ANAPC4: variants seen among roughly 807,000 people sequenced by gnomAD.
The protein encoded by ANAPC4 is anaphase-promoting complex subunit 4.
ANAPC4 carries 63 observed loss-of-function variants against 119.8 expected under a neutral mutation model. The observed-to-expected ratio is 0.53, with a 90% confidence interval of 0.43 to 0.65. The LOEUF is 0.65. Ranked by LOEUF, ANAPC4 falls within the 30% of genes least tolerant of loss-of-function variation. The pLI is 0.00. For missense variants in ANAPC4, 716 were observed against 945.1 expected (o/e 0.76, Z 3.18); for synonymous variants, 283 against 318.6 (o/e 0.89, Z 1.19).
intron 3 of ANAPC4, 100 bp from the exon 4 acceptor site, chr4:25,383,161 A>T: frequency 8.8e-7 from 1 of 1,136,440 alleles, no homozygotes; most frequent in South Asian, 2.6e-5. Flanking sequence ...GCCATGATGA[A>T]GATGCACTTA....
chr4:25,384,812 A>AAG (rs1289012293), intron 4 of ANAPC4, among the ~76,000 whole-genome samples: 1 of 151,720 alleles, frequency 6.6e-6, no homozygotes, highest in Non-Finnish European at 1.5e-5. Context: ...AAAAAAAAAA[A>AAG]GACTTGACAG....
At chr4:25,394,395 G>C (rs1351754827) in intron 12 of ANAPC4, 21 bp downstream of exon 12, 1 of 1,554,678 alleles carries the variant, frequency 6.4e-7, no homozygotes. Flanking sequence ...CAGATTAGGT[G>C]CTCCTGTTTT....
chr4:25,409,729 C>T lies in ANAPC4; in HGVS notation c.1463C>T (p.Ser488Leu), dbSNP rs750681301. 4.6e-5 allele frequency: 74 copies of T among 1,612,474 alleles called. No individual in the cohort carries two copies. The highest frequency in any genetic ancestry group is 5.8e-5 in the Non-Finnish European group (68 of 1,179,014). Residue 488 changes from serine (S) to leucine (L), a missense_variant, in exon 21 of 29, where the codon TCA (serine) becomes TTA (leucine). Physicochemically the swap from Ser to Leu is moderately radical, Grantham distance 145. Around this residue, in one of 3 missense-constraint regions of ANAPC4, gnomAD observed 504 missense variants for 615.8 expected, o/e 0.82. Transcript: ENST00000315368. ...AAAGATGAAGATGATGATCTTGTGT[C>T]ACCCCCTAACACAGAAGGAAACCAG... Reference protein sequence around the residue: ...YLKDEDDDLVSPPNTEGNQWY... With the variant: ...YLKDEDDDLVLPPNTEGNQWY...
Position 25,377,511 on chromosome 4 carries a change from G to T in ANAPC4, c.84G>T (p.Trp28Cys). The T allele has an allele frequency of 1.2e-6, 2 of 1,613,822 alleles. No individual in the cohort carries two copies. The highest frequency in any genetic ancestry group is 1.7e-6 in the Non-Finnish European group (2 of 1,179,946). Reference protein sequence around the residue: ...QLPQEIIFLVWSPKRDLIALA... With the variant: ...QLPQEIIFLVCSPKRDLIALA... ...CGCAGGAGATTATTTTCCTGGTCTG[G>T]TCGCCCAAGCGGGATCTCATTGCTT... is the stretch of plus-strand genomic sequence containing the variant. The change falls in exon 2 of 29, where the codon TGG becomes TGT. Residue 28 changes from tryptophan to cysteine, a missense_variant. Transcript: ENST00000315368.
chr4:25,377,619 A>G (rs1721484168), intron 2 of ANAPC4, 63 bp downstream of exon 2: 2 of 1,494,552 alleles, frequency 1.3e-6, no homozygotes, highest in Admixed American at 2.0e-5. Flanking sequence ...AAGAACACCG[A>G]GCCCGAGCCT....
chr4:25,399,082 T>TTTTATTATTATA (rs1722811295), intron 16 of ANAPC4, among the ~76,000 whole-genome samples: 1 of 151,066 alleles, frequency 6.6e-6, no homozygotes, highest in Non-Finnish European at 1.5e-5. Context: ...TTTAAAAATA[T>TTTTATTATTATA]TATACTGTAT....
chr4:25,413,570 A>C, intron 21 of ANAPC4, 75 bp from the exon 22 acceptor site: 1 of 1,125,710 alleles, frequency 8.9e-7, no homozygotes, highest in East Asian at 2.4e-5. Context: ...TGGCTCTAAC[A>C]GTAGATTATT....
At position 25,416,605 on chromosome 4, in the gene ANAPC4, A is replaced by G. The variant is rs1723890645; in HGVS notation, c.2075+7A>G. ...CTGGGACTTATTCTACAAGGTAACT[A>G]GTAACATTGTCTTTCTGATATTACA... On this transcript the variant is annotated splice_region_variant and intron_variant, in intron 27 of 28. Coordinates refer to ENST00000315368, the MANE Select transcript of ANAPC4 (RefSeq NM_013367.3). 3.3e-6 allele frequency: 5 copies of G among 1,503,336 alleles called. No homozygotes were observed. The South Asian group carries it at 5.5e-5, about 16-fold the overall frequency. The allele number at this position is 1,503,336 out of a possible 1,614,324, so 93.1% of individuals were successfully genotyped here.
chr4:25,415,114 C>T (rs1283373416), intron 25 of ANAPC4: 2 of 198,754 alleles, frequency 1.0e-5, no homozygotes, highest in Non-Finnish European at 2.0e-5. Flanking sequence ...AAACAAGAGG[C>T]CTTGCCTAAC....
chr4:25,393,597 G>A (rs1428163420), intron 10 of ANAPC4, among the ~76,000 whole-genome samples: 1 of 152,154 alleles, frequency 6.6e-6, no homozygotes, highest in Non-Finnish European at 1.5e-5. Context: ...GGGAGGCAGA[G>A]GTTGCAGTGA....
At chr4:25,413,784 G>A (rs1295637487) in intron 22 of ANAPC4, 42 bp downstream of exon 22, 1 of 1,441,668 alleles carries the variant, frequency 6.9e-7, no homozygotes, top group East Asian at 2.3e-5. Context: ...AGGAGCAATA[G>A]TGTCTACAGT....
At position 25,390,579 on chromosome 4, in the gene ANAPC4, G is replaced by C. The variant is rs143581756; in HGVS notation, c.601-332G>C. 2.0e-3 allele frequency among the ~76,000 whole-genome samples: 311 copies of C among 152,308 alleles called. 2 individuals carry two copies. Among genetic ancestry groups the C allele is most frequent in the African/African-American group, 7.1e-3 (296 of 41,560 alleles). On this transcript the variant is annotated intron_variant, in intron 8 of 28. Coordinates refer to ENST00000315368, the MANE Select transcript of ANAPC4 (RefSeq NM_013367.3). ...TAAGTCCAGTACTGACTGTACTATA[G>C]TTGCTACGTCTCAGTCTTCTCCATA...
chr4:25,413,460 T>C (rs1723688675), intron 21 of ANAPC4, 185 bp from the exon 22 acceptor site: 1 of 488,432 alleles, frequency 2.0e-6, no homozygotes, highest in Non-Finnish European at 3.6e-6. Flanking sequence ...TCAGCGGGGG[T>C]TGATGAAAGG....
At chr4:25,413,915 T>G in intron 22 of ANAPC4, 173 bp downstream of exon 22, 1 of 569,214 alleles carries the variant, frequency 1.8e-6, no homozygotes, top group Non-Finnish European at 3.0e-6. Flanking sequence ...TACTCCAACT[T>G]AAGTTTCTTA....
intron 5 of ANAPC4, 47 bp from the exon 6 acceptor site, chr4:25,388,670 T>G (rs1341141092): frequency 6.4e-7 from 1 of 1,570,980 alleles, no homozygotes; most frequent in Non-Finnish European, 8.7e-7. Flanking sequence ...TTAAAATATG[T>G]ATTTTTACTA....
At chr4:25,382,208 T>C (rs1721776452) in intron 3 of ANAPC4, among the ~76,000 whole-genome samples, 2 of 152,224 alleles carry the variant, frequency 1.3e-5, no homozygotes, top group African/African-American at 4.8e-5. Context: ...ATTTATATAT[T>C]GTAATTTACT....
chr4:25,413,926 C>G, intron 22 of ANAPC4, 184 bp downstream of exon 22: 2 of 557,718 alleles, frequency 3.6e-6, no homozygotes, highest in Non-Finnish European at 6.2e-6. Context: ...AAGTTTCTTA[C>G]ACACGTGTGT....
At chr4:25,411,814 G>GT (rs1320093994) in intron 21 of ANAPC4, among the ~76,000 whole-genome samples, 1 of 152,198 alleles carries the variant, frequency 6.6e-6, no homozygotes, top group Non-Finnish European at 1.5e-5. Flanking sequence ...TTTACTCAGT[G>GT]TTTCTGACAA....
intron 16 of ANAPC4, among the ~76,000 whole-genome samples, chr4:25,399,036 GAC>G (rs1389477374): frequency 6.6e-6 from 1 of 151,414 alleles, no homozygotes; most frequent in Non-Finnish European, 1.5e-5. Context: ...GAATAATAGA[GAC>G]AACTCTGCTA....
Sources: gnomAD v4.1 joint callset for allele counts (sites outside exome capture counted in the v4.1 genomes callset) on GRCh38, gnomAD v4.1.1 for gene constraint, gnomAD v4.1.1 regional missense constraint, MANE v1.5 for transcripts, NCBI Gene and HGNC (gene_info 2026-07-23, HGNC 2026-07-21) for gene names.